The following TMEM236 variants were observed in gnomAD, a reference collection of about 807,000 sequenced individuals.
TMEM236 encodes the protein family with sequence similarity 23, member A.
In TMEM236, 11 loss-of-function variants were observed where a neutral mutation model predicts 14.7. The observed-to-expected ratio is 0.75, with a 90% CI of 0.47 to 1.24. TMEM236 has a LOEUF of 1.24. Ranked by LOEUF, TMEM236 falls within the 50% of genes most tolerant of loss-of-function variation. The pLI is 0.00. For missense variants in TMEM236, 464 were observed against 427.3 expected, an observed-to-expected ratio of 1.09 and a Z score of -0.76; for synonymous variants, 182 against 168.6, an observed-to-expected ratio of 1.08 and a Z score of -0.62.
Position 17,773,336 on chromosome 10 carries a change from G to T in TMEM236, c.330+1955G>T, listed in dbSNP as rs959401008. The stretch of plus-strand genomic sequence containing the variant: ...AGGAGCATTCACCAGCGCTTGCGTT[G>T]TTTCTTATTTTTTTGGAGACAGAGT... On this transcript the variant is annotated intron_variant, in intron 2 of 3. Transcript: ENST00000377495. Among the ~76,000 whole-genome samples, 4 of 152,116 alleles carry T rather than the reference G, an allele frequency of 2.6e-5. No homozygotes were observed. In the South Asian group the frequency reaches 8.3e-4, roughly 32 times the overall value.
intron 1 of TMEM236, among the ~76,000 whole-genome samples, chr10:17,754,606 C>T (rs1417163424): frequency 6.6e-6 from 1 of 152,218 alleles, no homozygotes; most frequent in African/African-American, 2.4e-5. Context: ...AGATTACAGG[C>T]GTGAGCTGCC....
chr10:17,796,183 G>A lies in TMEM236; in HGVS notation c.735G>A (p.Trp245Ter). ...AELFLWSFLLWSDTIEMVRVA... is the reference protein window; with the variant it reads ...AELFLWSFLL ...TATTCTTATGGAGCTTTCTCCTGTG[G>A]TCTGACACGATAGAAATGGTGCGTG... Residue 245 changes from tryptophan (W) to a stop codon, truncating the protein, a stop_gained, in exon 4 of 4, where the codon TGG becomes TGA. Transcript: ENST00000377495. LOFTEE classifies it low-confidence loss of function (END_TRUNC). 2 of 1,613,956 alleles carry A rather than the reference G, an allele frequency of 1.2e-6. No homozygotes were observed. The highest frequency in any genetic ancestry group is 1.7e-6 in the Non-Finnish European group (2 of 1,179,866).
intron 3 of TMEM236, among the ~76,000 whole-genome samples, chr10:17,795,531 C>A (rs1484042893): frequency 6.6e-6 from 1 of 152,096 alleles, no homozygotes; most frequent in Non-Finnish European, 1.5e-5. Flanking sequence ...AGGAAAATAC[C>A]AAGACACCAA....
intron 3 of TMEM236, among the ~76,000 whole-genome samples, chr10:17,779,617 G>A (rs1237541524): frequency 1.3e-5 from 2 of 152,146 alleles, no homozygotes; most frequent in South Asian, 4.2e-4. Context: ...CACCCTGTTG[G>A]CCAGGCTGGT....
intron 3 of TMEM236, among the ~76,000 whole-genome samples, chr10:17,793,829 G>A (rs1365084836): frequency 5.3e-5 from 8 of 152,164 alleles, no homozygotes; most frequent in African/African-American, 1.4e-4. Context: ...GGATACAAAT[G>A]AGCATCTGAG....
chr10:17,761,277 A>G (rs972053825), intron 1 of TMEM236, among the ~76,000 whole-genome samples: 16 of 152,276 alleles, frequency 1.1e-4, no homozygotes, highest in African/African-American at 3.8e-4. Flanking sequence ...AATGAAGACC[A>G]TTTCATTAAC....
At chr10:17,782,401 T>C (rs962584517) in intron 3 of TMEM236, among the ~76,000 whole-genome samples, 3 of 139,528 alleles carry the variant, frequency 2.2e-5, no homozygotes, top group Non-Finnish European at 3.1e-5. Flanking sequence ...GCAACTCTTC[T>C]TTTTTTCTTA....
At chr10:17,776,450 A>G (rs1189735685) in intron 3 of TMEM236, among the ~76,000 whole-genome samples, 3 of 152,242 alleles carry the variant, frequency 2.0e-5, no homozygotes, top group Admixed American at 6.5e-5. Context: ...CCAGCAAGAA[A>G]TTATCCAAGT....
chr10:17,781,766 A>G (rs1209540856), intron 3 of TMEM236, among the ~76,000 whole-genome samples: 2 of 140,008 alleles, frequency 1.4e-5, no homozygotes, highest in Non-Finnish European at 3.1e-5. Context: ...AAAAAAAAAA[A>G]GGAAAGAAAA....
rs986833184 is a variant in TMEM236, at chr10:17,752,969, G to C, written c.257+417G>C. 8.8e-3 allele frequency among the ~76,000 whole-genome samples: 1,344 copies of C among 152,228 alleles called. 22 individuals are homozygous for C. Among genetic ancestry groups the C allele is most frequent in the African/African-American group, 0.03 (1,229 of 41,520 alleles). On this transcript the variant is annotated intron_variant, in intron 1 of 3. Transcript: ENST00000377495. ...TTTGTTTTAACTTTAAAGTTCAGGG[G>C]TAAAAGCGCAGGTTTGTTACATAAG...
intron 3 of TMEM236, among the ~76,000 whole-genome samples, chr10:17,793,902 CT>C (rs1837968000): frequency 6.6e-6 from 1 of 152,086 alleles, no homozygotes; most frequent in South Asian, 2.1e-4. Flanking sequence ...TTCTCCCTTA[CT>C]TTAGTATTAT....
chr10:17,796,726 A>T lies in TMEM236; in HGVS notation c.*222A>T. On this transcript the variant is annotated 3_prime_UTR_variant, in exon 4 of 4. Coordinates refer to ENST00000377495, the MANE Select transcript of TMEM236 (RefSeq NM_001098844.3). ...TATTCTTATAAGTTGGCTCTCAGGTATTTCTAGAAAATGTTAGCAGCTAAT... is the reference window on the plus strand; with the variant it reads ...TATTCTTATAAGTTGGCTCTCAGGTTTTTCTAGAAAATGTTAGCAGCTAAT... 1.8e-6 allele frequency: 1 copy of T among 562,984 alleles called. No individual in the cohort carries two copies. Among genetic ancestry groups the T allele is most frequent in the Non-Finnish European group, 3.1e-6 (1 of 320,160 alleles). 34.9% of individuals were successfully genotyped at this position (562,984 alleles called of 1,614,324 possible).
At chr10:17,767,548 A>T (rs1177993026) in intron 1 of TMEM236, among the ~76,000 whole-genome samples, 4 of 152,078 alleles carry the variant, frequency 2.6e-5, no homozygotes, top group African/African-American at 9.7e-5. Flanking sequence ...TAAAACATAG[A>T]CTTGGGTTGT....
At chr10:17,794,423 T>TTA (rs1267144455) in intron 3 of TMEM236, among the ~76,000 whole-genome samples, 5 of 152,170 alleles carry the variant, frequency 3.3e-5, no homozygotes, top group Non-Finnish European at 7.3e-5. Context: ...AAAGAACTCG[T>TTA]TATACCTTCT....
intron 1 of TMEM236, among the ~76,000 whole-genome samples, chr10:17,758,397 T>C (rs1251755211): frequency 1.3e-5 from 2 of 152,170 alleles, no homozygotes; most frequent in African/African-American, 4.8e-5. Context: ...CATCAGTCAG[T>C]AAATGGTGTG....
rs1413176002 is a variant in TMEM236 at position 17,777,898 on chromosome 10, G to A, written c.472+1728G>A. Among the ~76,000 whole-genome samples, 31 of 150,956 alleles carry A rather than the reference G, an allele frequency of 2.1e-4. No individual in the cohort carries two copies. The East Asian group carries it at 2.3e-3, about 11-fold the overall frequency. ...GGATTGCAGGCATGTGCCACCATGC[G>A]TGGCTAATTTTTGTATTTTTAGTAG... On this transcript the variant is annotated intron_variant, in intron 3 of 3. Coordinates refer to ENST00000377495, the MANE Select transcript of TMEM236 (RefSeq NM_001098844.3).
In TMEM236 at chr10:17,786,075, G is replaced by GT. The variant is rs1156318146; in HGVS notation, c.473-9843dup. Among the ~76,000 whole-genome samples, 46 of 148,790 alleles carry GT rather than the reference G, an allele frequency of 3.1e-4. No individual in the cohort carries two copies. The East Asian group carries it at 6.2e-3, about 20-fold the overall frequency. Reference sequence around the variant, plus strand: ...GATTTTAATAATTTGGCATTAAATTGTTTGTTTTTCCTAAGTGGGCAAAAG... The same window carrying GT: ...GATTTTAATAATTTGGCATTAAATTGTTTTGTTTTTCCTAAGTGGGCAAAAG... On this transcript the variant is annotated intron_variant, in intron 3 of 3. Coordinates refer to ENST00000377495, the MANE Select transcript of TMEM236 (RefSeq NM_001098844.3).
chr10:17,770,467 T>A (rs1837551129), intron 1 of TMEM236, among the ~76,000 whole-genome samples: 1 of 152,162 alleles, frequency 6.6e-6, no homozygotes, highest in Non-Finnish European at 1.5e-5. Flanking sequence ...CACTGCAAGC[T>A]CTGCCTCCCG....
At chr10:17,776,403 T>G (rs1392483700) in intron 3 of TMEM236, among the ~76,000 whole-genome samples, 1 of 152,218 alleles carries the variant, frequency 6.6e-6, no homozygotes, top group Non-Finnish European at 1.5e-5. Flanking sequence ...AATTAAAAAT[T>G]ATCAAATAGT....
Sources: allele counts gnomAD v4.1 joint callset (sites outside exome capture counted in the v4.1 genomes callset), GRCh38; gene constraint gnomAD v4.1.1; transcripts MANE v1.5; gene names NCBI Gene and HGNC (gene_info 2026-07-23, HGNC 2026-07-21).